Variants in CDH13 observed in about 807,000 individuals in gnomAD.
CDH13 encodes cadherin-13.
A neutral mutation model predicts 63.8 loss-of-function variants in CDH13; 24 were observed. The ratio of observed to expected loss-of-function variants is 0.38; its 90% CI spans 0.27 to 0.53. CDH13 has a LOEUF of 0.53. Ranked by LOEUF, CDH13 falls within the 20% of genes least tolerant of loss-of-function variation. The pLI is 0.85. For missense variants in CDH13, 1,049 were observed against 903.1 expected (o/e 1.16, Z -2.07); for synonymous variants, 503 against 355.3 (o/e 1.42, Z -4.67).
At chr16:83,382,794 G>A (rs574408464) in intron 6 of CDH13, among the ~76,000 whole-genome samples, 3 of 152,138 alleles carry the variant, frequency 2.0e-5, no homozygotes, top group African/African-American at 7.2e-5. Context: ...ATTCCATCCA[G>A]TTACACCAAT....
intron 8 of CDH13, among the ~76,000 whole-genome samples, chr16:83,619,948 C>T (rs909135376): frequency 2.0e-5 from 3 of 152,082 alleles, no homozygotes; most frequent in Non-Finnish European, 4.4e-5. Flanking sequence ...GCAGGAGGAA[C>T]TGAAAGCCAC....
intron 5 of CDH13, among the ~76,000 whole-genome samples, chr16:83,228,165 A>G (rs2039898039): frequency 6.6e-6 from 1 of 152,082 alleles, no homozygotes; most frequent in African/African-American, 2.4e-5. Context: ...TCAACCATGG[A>G]TGCTTCAGTC....
intron 1 of CDH13, among the ~76,000 whole-genome samples, chr16:82,675,258 A>ATG (rs1913765485): frequency 6.6e-6 from 1 of 152,216 alleles, no homozygotes; most frequent in Admixed American, 6.5e-5. Flanking sequence ...CTTGGTTTAA[A>ATG]TGTGAAATAG....
chr16:82,940,713 C>T (rs963576879), intron 2 of CDH13, among the ~76,000 whole-genome samples: 1 of 152,108 alleles, frequency 6.6e-6, no homozygotes, highest in Non-Finnish European at 1.5e-5. Flanking sequence ...GATTACCAAT[C>T]AGTGCTGTGT....
chr16:83,713,358 C>T (rs1396749141), intron 10 of CDH13, among the ~76,000 whole-genome samples: 1 of 152,142 alleles, frequency 6.6e-6, no homozygotes, highest in Non-Finnish European at 1.5e-5. Context: ...CAATGAGGTT[C>T]TTTGAGTCCG....
intron 6 of CDH13, among the ~76,000 whole-genome samples, chr16:83,416,570 G>A (rs934726899): frequency 2.0e-5 from 3 of 152,130 alleles, no homozygotes; most frequent in African/African-American, 7.2e-5. Flanking sequence ...CCCACAGGTC[G>A]AGCTATGACA....
chr16:83,646,277 AC>A (rs1195179768), intron 8 of CDH13, among the ~76,000 whole-genome samples: 2 of 152,080 alleles, frequency 1.3e-5, no homozygotes, highest in Non-Finnish European at 2.9e-5. Context: ...ACGGTAACCT[AC>A]CCCACTGGGT....
chr16:83,130,431 A>C (rs924119680), intron 4 of CDH13, among the ~76,000 whole-genome samples: 1 of 152,228 alleles, frequency 6.6e-6, no homozygotes, highest in Non-Finnish European at 1.5e-5. Context: ...GGAATGAAAT[A>C]TCTTCACTGA....
intron 2 of CDH13, among the ~76,000 whole-genome samples, chr16:82,968,678 AATT>A (rs1294784040): frequency 1.3e-5 from 2 of 152,196 alleles, no homozygotes; most frequent in Non-Finnish European, 2.9e-5. Context: ...AGGCAGGATG[AATT>A]ATTCTCTTCT....
chr16:83,727,244 C>T (rs1253094014), intron 10 of CDH13, among the ~76,000 whole-genome samples: 3 of 151,608 alleles, frequency 2.0e-5, no homozygotes, highest in East Asian at 3.9e-4. Flanking sequence ...TTGCCTAGTA[C>T]GGACATTTCA....
chr16:82,818,134 G>GTT (rs1597693300), intron 1 of CDH13, among the ~76,000 whole-genome samples: 1 of 151,670 alleles, frequency 6.6e-6, no homozygotes, highest in East Asian at 1.9e-4. Context: ...GTGTGTGTGT[G>GTT]TGTGTTTTGG....
chr16:82,657,900 C>G (rs1007514166), intron 1 of CDH13, among the ~76,000 whole-genome samples: 2 of 152,120 alleles, frequency 1.3e-5, no homozygotes, highest in Non-Finnish European at 2.9e-5. Context: ...ATCACTATAC[C>G]TTTGTTTTCT....
chr16:82,654,046 C>T (rs1425534535), intron 1 of CDH13, among the ~76,000 whole-genome samples: 2 of 152,230 alleles, frequency 1.3e-5, no homozygotes, highest in East Asian at 1.9e-4. Flanking sequence ...ACACATGGGC[C>T]TGAGAGAGGA....
intron 11 of CDH13, among the ~76,000 whole-genome samples, chr16:83,756,872 A>C (rs1160255344): frequency 9.9e-5 from 15 of 152,222 alleles, no homozygotes; most frequent in Admixed American, 9.8e-4. Flanking sequence ...TATCAGCTTC[A>C]AGAAAAAACA....
chr16:83,019,044 G>A (rs983698243), intron 2 of CDH13, among the ~76,000 whole-genome samples: 1 of 152,066 alleles, frequency 6.6e-6, no homozygotes, highest in Admixed American at 6.6e-5. Context: ...TGTACACTTA[G>A]GCTATACTAA....
chr16:82,855,428 G>A (rs1394541217), intron 1 of CDH13, among the ~76,000 whole-genome samples: 1 of 152,216 alleles, frequency 6.6e-6, no homozygotes. Flanking sequence ...TGGGAGCTGA[G>A]AGCAGAATTA....
intron 9 of CDH13, among the ~76,000 whole-genome samples, chr16:83,673,371 C>G (rs1315210210): frequency 2.0e-5 from 3 of 152,166 alleles, no homozygotes; most frequent in Non-Finnish European, 4.4e-5. Flanking sequence ...ATCATCCCCG[C>G]TCAGGAGTAC....
chr16:83,656,420 C>G (rs1018889682), intron 8 of CDH13, among the ~76,000 whole-genome samples: 1 of 152,152 alleles, frequency 6.6e-6, no homozygotes, highest in Non-Finnish European at 1.5e-5. Context: ...CAGATGCTGG[C>G]TGTGACTTGG....
intron 1 of CDH13, among the ~76,000 whole-genome samples, chr16:82,788,515 A>G (rs1163828349): frequency 6.6e-6 from 1 of 152,226 alleles, no homozygotes; most frequent in Non-Finnish European, 1.5e-5. Context: ...TTTAACTCTC[A>G]GCTTAGGGAA....
Sources: gnomAD v4.1 joint callset for allele counts (sites outside exome capture counted in the v4.1 genomes callset) on GRCh38, gnomAD v4.1.1 for gene constraint, MANE v1.5 for transcripts, NCBI Gene and HGNC (gene_info 2026-07-23, HGNC 2026-07-21) for gene names.